LPP: variants seen among roughly 807,000 people sequenced by gnomAD.
The protein encoded by LPP is LIM domain containing preferred translocation partner in lipoma.
In LPP, 38 loss-of-function variants were observed where a neutral mutation model predicts 60.4. The observed-to-expected ratio is 0.63, with a 90% CI of 0.49 to 0.83. The LOEUF (loss-of-function observed/expected upper bound fraction) is 0.83, where lower values mean the gene tolerates loss of function less well. LPP is among the 40% of genes least tolerant of loss of function. The pLI is 0.00. For synonymous variants in LPP, 328 were observed against 290.8 expected (o/e 1.13, Z -1.30); for missense variants, 902 against 783.6 (o/e 1.15, Z -1.80).
intron 1 of LPP, among the ~76,000 whole-genome samples, chr3:188,159,669 G>A (rs71308916): frequency 0.088 from 13,334 of 152,162 alleles, 1,117 homozygotes; most frequent in African/African-American, 0.19. Context: ...ATGGGGGAGC[G>A]GGACTGTTTT....
At chr3:188,396,203 A>G (rs887355224) in intron 3 of LPP, among the ~76,000 whole-genome samples, 5 of 152,228 alleles carry the variant, frequency 3.3e-5, no homozygotes, top group Admixed American at 6.5e-5. Context: ...ACGTTCATCA[A>G]TAGTAGACTC....
chr3:188,207,751 G>A (rs926797493), intron 1 of LPP, among the ~76,000 whole-genome samples: 4 of 151,422 alleles, frequency 2.6e-5, no homozygotes, highest in African/African-American at 9.7e-5. Flanking sequence ...CACTGTGTCT[G>A]GCTTAAATAT....
Position 188,275,850 on chromosome 3 carries a change from G to T in LPP, c.-67+50323G>T, listed in dbSNP as rs13060759. 3.7e-3 allele frequency among the ~76,000 whole-genome samples: 569 copies of T among 151,824 alleles called. 7 individuals are homozygous for T. Among genetic ancestry groups the T allele is most frequent in the African/African-American group, 0.013 (532 of 41,420 alleles). On this transcript the variant is annotated intron_variant, in intron 2 of 11. Coordinates refer to ENST00000617246, the MANE Select transcript of LPP (RefSeq NM_001375462.1). ...GCCACCACACCTGGCTAATTTTTTTGTTTTTAGTAGACATGGGGTTTCACC... is the reference window on the plus strand; with the variant it reads ...GCCACCACACCTGGCTAATTTTTTTTTTTTTAGTAGACATGGGGTTTCACC...
At chr3:188,495,646 A>G (rs1809978427) in intron 5 of LPP, among the ~76,000 whole-genome samples, 1 of 152,208 alleles carries the variant, frequency 6.6e-6, no homozygotes, top group Admixed American at 6.5e-5. Flanking sequence ...GAAGATTAGC[A>G]CATCTTCCAT....
At chr3:188,371,981 T>C (rs1773400320) in intron 3 of LPP, among the ~76,000 whole-genome samples, 1 of 150,168 alleles carries the variant, frequency 6.7e-6, no homozygotes, top group South Asian at 2.1e-4. Flanking sequence ...TTATAAGGGC[T>C]TTTTCTTTTC....
intron 3 of LPP, among the ~76,000 whole-genome samples, chr3:188,388,985 A>G (rs1260835625): frequency 6.6e-6 from 1 of 152,202 alleles, no homozygotes; most frequent in African/African-American, 2.4e-5. Context: ...AATATTGTGA[A>G]TGTTAATTTC....
At chr3:188,850,940 G>A (rs1037111967) in intron 9 of LPP, among the ~76,000 whole-genome samples, 1 of 152,214 alleles carries the variant, frequency 6.6e-6, no homozygotes, top group African/African-American at 2.4e-5. Context: ...CTAAGGAAAG[G>A]CAATGTTTTC....
intron 8 of LPP, among the ~76,000 whole-genome samples, chr3:188,740,578 T>G (rs1184074916): frequency 1.3e-5 from 2 of 152,056 alleles, no homozygotes; most frequent in Non-Finnish European, 2.9e-5. Flanking sequence ...CATAACTTAC[T>G]TTAAATATTT....
At chr3:188,323,158 ATTG>A (rs1465140751) in intron 2 of LPP, among the ~76,000 whole-genome samples, 1 of 152,212 alleles carries the variant, frequency 6.6e-6, no homozygotes, top group Non-Finnish European at 1.5e-5. Flanking sequence ...AGCACAATTA[ATTG>A]TTGTTACTAG....
chr3:188,762,461 A>G (rs1732690320), intron 9 of LPP, among the ~76,000 whole-genome samples: 1 of 152,214 alleles, frequency 6.6e-6, no homozygotes. Flanking sequence ...ACTGGGCTTT[A>G]GGAAATTATT....
chr3:188,396,179 G>T (rs1402108846), intron 3 of LPP, among the ~76,000 whole-genome samples: 1 of 152,136 alleles, frequency 6.6e-6, no homozygotes, highest in Non-Finnish European at 1.5e-5. Flanking sequence ...GTTATCAGAT[G>T]TAAATATGTC....
intron 9 of LPP, 115 bp downstream of exon 9, chr3:188,760,397 A>ATG (rs1349687248): frequency 4.8e-5 from 41 of 848,544 alleles, no homozygotes; most frequent in Admixed American, 4.4e-5. Flanking sequence ...AGACTTCAAA[A>ATG]TGTGTGTGTG....
At chr3:188,745,223 G>A (rs1725763439) in intron 8 of LPP, among the ~76,000 whole-genome samples, 1 of 152,090 alleles carries the variant, frequency 6.6e-6, no homozygotes, top group Admixed American at 6.6e-5. Flanking sequence ...GGGAAGGCAG[G>A]TGTCAGGTCT....
intron 7 of LPP, among the ~76,000 whole-genome samples, chr3:188,655,691 A>G (rs750059080): frequency 2.0e-5 from 3 of 152,176 alleles, no homozygotes; most frequent in Non-Finnish European, 4.4e-5. Flanking sequence ...CAGAAGTTCA[A>G]TGAGTTCTTC....
At chr3:188,787,674 G>T (rs1023020001) in intron 9 of LPP, among the ~76,000 whole-genome samples, 11 of 152,122 alleles carry the variant, frequency 7.2e-5, no homozygotes, top group African/African-American at 2.4e-4. Flanking sequence ...TACACTCTGG[G>T]TTTTCTTCCT....
At chr3:188,790,342 G>A (rs1186757567) in intron 9 of LPP, among the ~76,000 whole-genome samples, 1 of 151,776 alleles carries the variant, frequency 6.6e-6, no homozygotes, top group East Asian at 1.9e-4. Context: ...TGTGTGTGTG[G>A]TGTGTGCGTG....
chr3:188,309,330 G>A (rs965131186), intron 2 of LPP, among the ~76,000 whole-genome samples: 28 of 151,958 alleles, frequency 1.8e-4, no homozygotes, highest in Non-Finnish European at 3.7e-4. Context: ...CGGAGCCTGC[G>A]TTTCTTCTAA....
rs970180216 is a variant in LPP at position 188,518,414 on chromosome 3, T to C, written c.307-6251T>C. 7.2e-5 allele frequency among the ~76,000 whole-genome samples: 11 copies of C among 152,234 alleles called. No homozygotes were observed. The South Asian group carries it at 1.4e-3, about 20-fold the overall frequency. ...TTTGTATTATTAGCCTCTTAGGTTT[T>C]ACTAAATTAAGACAGTTTTATATTC... On this transcript the variant is annotated intron_variant, in intron 5 of 11. Transcript: ENST00000617246.
At chr3:188,331,649 T>C (rs1760110653) in intron 2 of LPP, among the ~76,000 whole-genome samples, 1 of 152,184 alleles carries the variant, frequency 6.6e-6, no homozygotes, top group Admixed American at 6.5e-5. Flanking sequence ...TGGATGCTCA[T>C]CCTCTTGGTG....
Sources: allele counts gnomAD v4.1 joint callset (sites outside exome capture counted in the v4.1 genomes callset), GRCh38; gene constraint gnomAD v4.1.1; transcripts MANE v1.5; gene names NCBI Gene and HGNC (gene_info 2026-07-23, HGNC 2026-07-21).